The following PPFIA2 variants were observed in gnomAD, a reference collection of about 807,000 sequenced individuals.
The protein encoded by PPFIA2 is PPFI scaffold protein A2.
Under a neutral mutation model 175.5 loss-of-function variants are expected in PPFIA2, and 46 were observed. The ratio of observed to expected loss-of-function variants is 0.26; its 90% CI spans 0.21 to 0.34. The LOEUF (loss-of-function observed/expected upper bound fraction) is 0.34, where lower values mean the gene tolerates loss of function less well. PPFIA2 is among the 10% of genes least tolerant of loss of function. PPFIA2 has a pLI of 1.00. For missense variants in PPFIA2, 1,179 were observed against 1,506.1 expected, an observed-to-expected ratio of 0.78 and a Z score of 3.60; for synonymous variants, 568 against 511.4, an observed-to-expected ratio of 1.11 and a Z score of -1.49.
At chr12:81,641,107 G>T (rs570937126) in intron 4 of PPFIA2, among the ~76,000 whole-genome samples, 33 of 152,050 alleles carry the variant, frequency 2.2e-4, no homozygotes, top group African/African-American at 7.0e-4. Flanking sequence ...CTTTGTGTTG[G>T]GAACATTTCA....
intron 4 of PPFIA2, among the ~76,000 whole-genome samples, chr12:81,496,448 A>G (rs1020105064): frequency 1.3e-5 from 2 of 152,222 alleles, no homozygotes; most frequent in Non-Finnish European, 2.9e-5. Flanking sequence ...TTATAATAGG[A>G]GAAAGTCCTC....
chr12:81,312,057 G>C (rs2051044893), intron 22 of PPFIA2: 6 of 1,101,398 alleles, frequency 5.4e-6, no homozygotes, highest in Non-Finnish European at 7.8e-6. Context: ...GTCAGAGGCA[G>C]TGCAGCTTGT....
At chr12:81,370,340 A>G (rs2034743175) in intron 11 of PPFIA2, among the ~76,000 whole-genome samples, 1 of 151,814 alleles carries the variant, frequency 6.6e-6, no homozygotes, top group Non-Finnish European at 1.5e-5. Flanking sequence ...CACTATGGTC[A>G]TTGGTCTAGA....
intron 4 of PPFIA2, among the ~76,000 whole-genome samples, chr12:81,647,623 T>C (rs2066327629): frequency 6.6e-6 from 1 of 150,718 alleles, no homozygotes. Flanking sequence ...TAGCCGGGCG[T>C]GGTGGCGGGT....
At chr12:81,479,236 C>G (rs2057883836) in intron 4 of PPFIA2, among the ~76,000 whole-genome samples, 1 of 152,068 alleles carries the variant, frequency 6.6e-6, no homozygotes, top group African/African-American at 2.4e-5. Context: ...ACCAGGATTG[C>G]AACCCCTGCT....
chr12:81,713,047 T>C (rs1286200763), intron 3 of PPFIA2, among the ~76,000 whole-genome samples: 2 of 151,336 alleles, frequency 1.3e-5, no homozygotes, highest in Non-Finnish European at 2.9e-5. Context: ...TTGCTCATAA[T>C]ACAATTAAAT....
At chr12:81,399,451 G>A (rs1340306714) in intron 8 of PPFIA2, among the ~76,000 whole-genome samples, 19 of 152,066 alleles carry the variant, frequency 1.2e-4, no homozygotes, top group Admixed American at 9.8e-4. Context: ...CACCCAGAGC[G>A]ATTTGTTTTG....
At chr12:81,647,077 C>T (rs79097273) in intron 4 of PPFIA2, among the ~76,000 whole-genome samples, 8,410 of 150,168 alleles carry the variant, frequency 0.056, 354 homozygotes, top group East Asian at 0.23. Context: ...GGGGGGGGAG[C>T]GTGTATAAAC....
chr12:81,563,092 C>A (rs2153397339), intron 4 of PPFIA2, among the ~76,000 whole-genome samples: 1 of 151,990 alleles, frequency 6.6e-6, no homozygotes, highest in East Asian at 1.9e-4. Context: ...GTCCTCTTTT[C>A]TATATATATG....
At chr12:81,513,998 T>C (rs1311488696) in intron 4 of PPFIA2, among the ~76,000 whole-genome samples, 2 of 152,002 alleles carry the variant, frequency 1.3e-5, no homozygotes, top group African/African-American at 4.8e-5. Context: ...CAAGTATTTG[T>C]TTTTTATCTT....
chr12:81,330,647 T>C (rs2055919050), intron 21 of PPFIA2, among the ~76,000 whole-genome samples: 1 of 152,178 alleles, frequency 6.6e-6, no homozygotes. Flanking sequence ...CAAACCCATA[T>C]TGCAAGGCCT....
intron 28 of PPFIA2, among the ~76,000 whole-genome samples, chr12:81,270,024 A>G (rs971048309): frequency 6.6e-6 from 1 of 152,126 alleles, no homozygotes; most frequent in Non-Finnish European, 1.5e-5. Context: ...CCACTAAAGA[A>G]CTTGTTCATG....
intron 8 of PPFIA2, among the ~76,000 whole-genome samples, chr12:81,387,296 G>T (rs2039190040): frequency 6.6e-6 from 1 of 151,886 alleles, no homozygotes; most frequent in African/African-American, 2.4e-5. Context: ...TTAGTGTTGT[G>T]CCATAAACTT....
intron 4 of PPFIA2, among the ~76,000 whole-genome samples, chr12:81,530,222 A>G (rs2064322378): frequency 6.6e-6 from 1 of 151,998 alleles, no homozygotes; most frequent in Non-Finnish European, 1.5e-5. Context: ...AAAGCTCAAA[A>G]TATCAACTGT....
At chr12:81,386,314 AATAAAT>A (rs1166985515) in intron 8 of PPFIA2, among the ~76,000 whole-genome samples, 27 of 149,728 alleles carry the variant, frequency 1.8e-4, no homozygotes, top group Non-Finnish European at 3.8e-4. Flanking sequence ...TAAATAAATA[AATAAAT>A]AAGAAAAGAA....
At chr12:81,695,511 C>G (rs1373225836) in intron 3 of PPFIA2, among the ~76,000 whole-genome samples, 1 of 152,128 alleles carries the variant, frequency 6.6e-6, no homozygotes, top group African/African-American at 2.4e-5. Flanking sequence ...CTTCAGAAGC[C>G]AAGCAAATGC....
At chr12:81,474,493 T>C (rs1287556358) in intron 4 of PPFIA2, among the ~76,000 whole-genome samples, 3 of 152,152 alleles carry the variant, frequency 2.0e-5, no homozygotes, top group Non-Finnish European at 4.4e-5. Context: ...GGTTTCACCA[T>C]GCTGGCTCCA....
chr12:81,436,668 G>T (rs1455326978), intron 7 of PPFIA2, among the ~76,000 whole-genome samples: 1 of 151,970 alleles, frequency 6.6e-6, no homozygotes, highest in East Asian at 1.9e-4. Context: ...AACTCAAACT[G>T]CAAGTGTCTT....
chr12:81,590,590 T>C (rs1430106480), intron 4 of PPFIA2, among the ~76,000 whole-genome samples: 1 of 152,072 alleles, frequency 6.6e-6, no homozygotes, highest in African/African-American at 2.4e-5. Flanking sequence ...TTTCCATGTG[T>C]TGTGGGAGGA....
Sources: gnomAD v4.1 joint callset for allele counts (sites outside exome capture counted in the v4.1 genomes callset) on GRCh38, gnomAD v4.1.1 for gene constraint, MANE v1.5 for transcripts, NCBI Gene and HGNC (gene_info 2026-07-23, HGNC 2026-07-21) for gene names.